Variants in CERS6 observed in about 807,000 individuals in gnomAD.
CERS6 encodes the protein ceramide synthase 6.
A neutral mutation model predicts 56.8 loss-of-function variants in CERS6; 26 were observed. The observed-to-expected ratio is 0.46, with a 90% CI of 0.34 to 0.63. CERS6 has a LOEUF of 0.63. Among genes scored for constraint, CERS6 ranks in the 30% least tolerant of loss-of-function variants. CERS6 has a pLI of 0.01. For synonymous variants in CERS6, 164 were observed against 173.3 expected, an observed-to-expected ratio of 0.95 and a Z score of 0.42; for missense variants, 415 against 467.5, an observed-to-expected ratio of 0.89 and a Z score of 1.04.
At chr2:168,675,470 C>A (rs1574151042) in intron 4 of CERS6, among the ~76,000 whole-genome samples, 1 of 151,844 alleles carries the variant, frequency 6.6e-6, no homozygotes. Flanking sequence ...CGTGTAGTTC[C>A]AGCTACTTGG....
intron 3 of CERS6, among the ~76,000 whole-genome samples, chr2:168,606,147 C>T (rs1684048268): frequency 6.6e-6 from 1 of 152,186 alleles, no homozygotes; most frequent in South Asian, 2.1e-4. Context: ...TGGAGCTGCC[C>T]AAGGAAGGCC....
chr2:168,562,799 G>A (rs1695815324), intron 3 of CERS6, among the ~76,000 whole-genome samples: 1 of 152,172 alleles, frequency 6.6e-6, no homozygotes, highest in Admixed American at 6.5e-5. Flanking sequence ...AATCAGCAAA[G>A]CCCTCTCAAT....
chr2:168,600,661 C>G (rs949268690), intron 3 of CERS6, among the ~76,000 whole-genome samples: 1 of 152,166 alleles, frequency 6.6e-6, no homozygotes, highest in African/African-American at 2.4e-5. Context: ...ATAATATTTA[C>G]CTTGTGTGTT....
At chr2:168,533,898 T>G (rs1695211448) in intron 1 of CERS6, among the ~76,000 whole-genome samples, 1 of 152,182 alleles carries the variant, frequency 6.6e-6, no homozygotes, top group Non-Finnish European at 1.5e-5. Flanking sequence ...CCATATTTCT[T>G]GGAGGCTTTG....
intron 3 of CERS6, among the ~76,000 whole-genome samples, chr2:168,574,573 C>T (rs999615458): frequency 4.6e-5 from 7 of 152,082 alleles, no homozygotes; most frequent in African/African-American, 1.7e-4. Context: ...AAGGCGATAA[C>T]CTTAAAAACC....
At chr2:168,643,215 A>G (rs1310694654) in intron 4 of CERS6, among the ~76,000 whole-genome samples, 2 of 75,466 alleles carry the variant, frequency 2.7e-5, no homozygotes, top group Admixed American at 3.0e-4. Context: ...GAAGCTATAA[A>G]GAAATTGATA....
intron 2 of CERS6, among the ~76,000 whole-genome samples, chr2:168,557,788 A>G (rs539919496): frequency 6.6e-6 from 1 of 152,322 alleles, no homozygotes; most frequent in South Asian, 2.1e-4. Context: ...AAATTCAAAT[A>G]TATTTTTATC....
At chr2:168,463,349 G>A (rs556881802) in intron 1 of CERS6, among the ~76,000 whole-genome samples, 26 of 152,208 alleles carry the variant, frequency 1.7e-4, no homozygotes, top group Non-Finnish European at 2.9e-4. Flanking sequence ...TATTTTTAAT[G>A]ACTATAAGCT....
intron 3 of CERS6, among the ~76,000 whole-genome samples, chr2:168,578,086 G>T (rs898209913): frequency 6.6e-6 from 1 of 152,160 alleles, no homozygotes; most frequent in Non-Finnish European, 1.5e-5. Context: ...GCGTTGGGAG[G>T]TTTGGAGCCC....
rs764877283 is a variant in CERS6, at chr2:168,769,704, T to G, written c.*42T>G. On this transcript the variant is annotated 3_prime_UTR_variant, in exon 10 of 10. Transcript: ENST00000305747. ...GTCCCAAGCAAAGTGAACTATTTGT[T>G]CCTGGAAGTATTTAATAAGTTGCAA... is the stretch of plus-strand genomic sequence containing the variant. 6.3e-7 allele frequency: 1 copy of G among 1,589,952 alleles called. No individual in the cohort carries two copies.
chr2:168,717,351 T>C (rs780302249), intron 7 of CERS6, among the ~76,000 whole-genome samples: 8 of 149,072 alleles, frequency 5.4e-5, no homozygotes, highest in South Asian at 4.1e-4. Context: ...AGAGTACTCC[T>C]TGTGCCTGTT....
intron 8 of CERS6, among the ~76,000 whole-genome samples, chr2:168,724,932 G>A (rs1000814659): frequency 3.3e-5 from 5 of 152,236 alleles, no homozygotes; most frequent in African/African-American, 4.8e-5. Context: ...ATGGGACTGG[G>A]CGCCGTGGAG....
Position 168,456,652 on chromosome 2 carries a change from C to T in CERS6, c.170+34C>T. On this transcript the variant is annotated intron_variant, in intron 1 of 9. Transcript: ENST00000305747. The surrounding 1 kb of genome is among the most constrained non-coding windows in gnomAD (Gnocchi z 4.1). ...GGCTGAAGCCCCTCCTCCCCTCCCC[C>T]TGCGCACACACACGCGCGCACACAC... 4.4e-6 allele frequency: 7 copies of T among 1,601,170 alleles called. No homozygotes were observed. Among genetic ancestry groups the T allele is most frequent in the Non-Finnish European group, 5.1e-6 (6 of 1,172,204 alleles).
chr2:168,740,010 AC>A (rs1185582764), intron 8 of CERS6, among the ~76,000 whole-genome samples: 1 of 152,120 alleles, frequency 6.6e-6, no homozygotes, highest in East Asian at 1.9e-4. Flanking sequence ...CTGGAAAGGA[AC>A]ATTTAAGGGG....
intron 1 of CERS6, among the ~76,000 whole-genome samples, chr2:168,520,598 CTTTTTTTTTTTTT>C (rs150724635): frequency 7.8e-4 from 45 of 57,898 alleles, no homozygotes; most frequent in African/African-American, 2.3e-3. Context: ...TTACAATATC[CTTTTTTTTTTTTT>C]TTTTTTTTTT....
rs531014849 is a variant in CERS6 at position 168,466,466 on chromosome 2, A to G, written c.170+9848A>G. Among the ~76,000 whole-genome samples, 12 of 152,302 alleles carry G rather than the reference A, an allele frequency of 7.9e-5. 1 individual carries two copies. The Middle Eastern group carries it at 0.014, about 174-fold the overall frequency. ...TCCCTAGCTTTCAGTTTAATTTTCC[A>G]TGCATTTTACAAGCAAATGATTCAA... On this transcript the variant is annotated intron_variant, in intron 1 of 9. Transcript: ENST00000305747.
intron 6 of CERS6, among the ~76,000 whole-genome samples, chr2:168,701,287 T>C (rs188812506): frequency 6.6e-6 from 1 of 152,252 alleles, no homozygotes; most frequent in Non-Finnish European, 1.5e-5. Context: ...TGGCTAGTTA[T>C]CATTTCCTAG....
intron 1 of CERS6, among the ~76,000 whole-genome samples, chr2:168,483,198 A>G (rs1343644459): frequency 6.6e-6 from 1 of 152,222 alleles, no homozygotes; most frequent in Non-Finnish European, 1.5e-5. Context: ...AAGTCTGTGA[A>G]GTAGGTACTA....
chr2:168,656,861 T>A (rs1202003138), intron 4 of CERS6, among the ~76,000 whole-genome samples: 4 of 152,096 alleles, frequency 2.6e-5, no homozygotes, highest in African/African-American at 9.7e-5. Flanking sequence ...GATTGGTGCG[T>A]TTACAATCCC....
Sources: allele counts gnomAD v4.1 joint callset (sites outside exome capture counted in the v4.1 genomes callset), GRCh38; gene constraint gnomAD v4.1.1; non-coding constraint Gnocchi (gnomAD v3.1); transcripts MANE v1.5; gene names NCBI Gene and HGNC (gene_info 2026-07-23, HGNC 2026-07-21).